KCNQ1: variants seen among roughly 807,000 people sequenced by gnomAD.
KCNQ1 encodes the protein potassium voltage-gated channel subfamily Q member 1.
In KCNQ1, 49 loss-of-function variants were observed where a neutral mutation model predicts 72.4. The ratio of observed to expected loss-of-function variants is 0.68; its 90% CI spans 0.54 to 0.86. KCNQ1 has a LOEUF of 0.86. Ranked by LOEUF, KCNQ1 falls within the 40% of genes least tolerant of loss-of-function variation. KCNQ1 has a pLI of 0.00. For synonymous variants in KCNQ1, 450 were observed against 412.6 expected, an observed-to-expected ratio of 1.09 and a Z score of -1.10; for missense variants, 790 against 945.1, an observed-to-expected ratio of 0.84 and a Z score of 2.15.
chr11:2,810,973 T>C (rs968365843), intron 15 of KCNQ1, among the ~76,000 whole-genome samples: 60 of 152,348 alleles, frequency 3.9e-4, no homozygotes, highest in African/African-American at 1.3e-3. Context: ...GTGGGCCTGA[T>C]GTGTGCCTCC....
At chr11:2,680,548 A>G (rs561512001) in intron 11 of KCNQ1, 13 of 398,566 alleles carry the variant, frequency 3.3e-5, no homozygotes, top group African/African-American at 2.7e-4. Flanking sequence ...CAGTTCTAAG[A>G]AACAACACAG....
In KCNQ1 at chr11:2,483,171, A is replaced by C. The variant is rs1263530825; in HGVS notation, c.386+37687A>C. Among the ~76,000 whole-genome samples the C allele has an allele frequency of 6.6e-6, 1 of 152,194 alleles. No homozygotes were observed. Among genetic ancestry groups the C allele is most frequent in the East Asian group, 1.9e-4 (1 of 5,194 alleles). On this transcript the variant is annotated intron_variant, in intron 1 of 15. Transcript: ENST00000155840. The surrounding 1 kb of genome is among the most constrained non-coding windows in gnomAD (Gnocchi z 6.1). ...CCTGTGTTGGGAACGTGCTTGGTGC[A>C]TGTGAAGAACTGTGCAGGGAAGGTG...
rs1590024599 is a variant in KCNQ1 at position 2,675,312 on chromosome 11, A to C, written c.1514+13231A>C. 3.8e-5 allele frequency: 15 copies of C among 398,638 alleles called. No individual in the cohort carries two copies. In the East Asian group the frequency reaches 5.0e-4, roughly 13 times the overall value. The allele number at this position is 398,638 out of a possible 1,614,324, so 24.7% of individuals were successfully genotyped here. A position where few individuals can be genotyped will look rare whatever the true frequency, so the allele number is the denominator to read the frequency against. On this transcript the variant is annotated intron_variant, in intron 11 of 15. Transcript: ENST00000155840. ...CAGAGTTTTGGCAATATAAAACATG[A>C]AAGTGGGATGGGATCTAAGTCATAT...
chr11:2,825,569 G>A (rs76861852), intron 15 of KCNQ1, among the ~76,000 whole-genome samples: 1 of 152,180 alleles, frequency 6.6e-6, no homozygotes, highest in East Asian at 1.9e-4. Context: ...AGATGTCGTC[G>A]TCTTCAACAA....
rs1346769844 is a variant in KCNQ1, at chr11:2,816,430, CCTT to C, written c.1795-31334_1795-31332del. Among the ~76,000 whole-genome samples the C allele has an allele frequency of 2.0e-5, 3 of 152,158 alleles. No individual in the cohort carries two copies. Among genetic ancestry groups the C allele is most frequent in the African/African-American group, 7.2e-5 (3 of 41,442 alleles). On this transcript the variant is annotated intron_variant, in intron 15 of 15. Transcript: ENST00000155840. The surrounding 1 kb of genome is among the most constrained non-coding windows in gnomAD (Gnocchi z 6.8). Reference sequence around the variant, plus strand: ...CACTCACCCTGTGGTCCAGTGATCTCCTTCTGAGAATCCGCCCTGGAGCAGTAA... The same window carrying C: ...CACTCACCCTGTGGTCCAGTGATCTCCTGAGAATCCGCCCTGGAGCAGTAA...
At chr11:2,829,764 C>T (rs963014738) in intron 15 of KCNQ1, among the ~76,000 whole-genome samples, 127 of 151,998 alleles carry the variant, frequency 8.4e-4, no homozygotes, top group African/African-American at 2.9e-3. Context: ...AAGAGATAGT[C>T]GGTAGGGTTG....
chr11:2,777,570 A>T (rs1846730384), intron 14 of KCNQ1: 1 of 552,626 alleles, frequency 1.8e-6, no homozygotes, highest in African/African-American at 1.9e-5. Context: ...CCTAGCCCAG[A>T]TGCAAACAGC....
At chr11:2,797,832 G>A (rs1283356895) in intron 15 of KCNQ1, among the ~76,000 whole-genome samples, 1 of 151,984 alleles carries the variant, frequency 6.6e-6, no homozygotes, top group Non-Finnish European at 1.5e-5. Context: ...GTCCCATCCT[G>A]TGAAGCCAGC....
At chr11:2,644,287 T>C (rs750136844) in intron 10 of KCNQ1, 3 of 398,474 alleles carry the variant, frequency 7.5e-6, no homozygotes, top group Non-Finnish European at 8.8e-6. Flanking sequence ...ATTTTTTCTA[T>C]ATTTTTGTCT....
intron 6 of KCNQ1, among the ~76,000 whole-genome samples, chr11:2,577,701 C>T (rs1212780875): frequency 1.3e-5 from 2 of 152,212 alleles, no homozygotes; most frequent in Non-Finnish European, 2.9e-5. Context: ...CCCCCACCCC[C>T]ACCTGGTGGC....
rs199472691 is a variant in KCNQ1, at chr11:2,570,629, A to T, written c.479A>T (p.Glu160Val). 6.2e-7 allele frequency: 1 copy of T among 1,612,534 alleles called. No individual in the cohort carries two copies. The highest frequency in any genetic ancestry group is 2.2e-5 in the East Asian group (1 of 44,880). ...ALATGTLFWMEIVLVVFFGTE... is the reference protein window; with the variant it reads ...ALATGTLFWMVIVLVVFFGTE... Reference sequence around the variant, plus strand: ...GAGCGTCCCACTCTGTCCCTGCAGGAGATCGTGCTGGTGGTGTTCTTCGGG... The same window carrying T: ...GAGCGTCCCACTCTGTCCCTGCAGGTGATCGTGCTGGTGGTGTTCTTCGGG... The change falls in exon 3 of 16, where the codon GAG (glutamate) becomes GTG (valine). Residue 160 changes from glutamate (E) to valine (V), a missense_variant and splice_region_variant. Coordinates refer to ENST00000155840, the MANE Select transcript of KCNQ1 (RefSeq NM_000218.3).
In KCNQ1 at chr11:2,803,077, A is replaced by G. The variant is rs1847302293; in HGVS notation, c.1794+25040A>G. Among the ~76,000 whole-genome samples, 1 of 152,198 alleles carries G rather than the reference A, an allele frequency of 6.6e-6. No homozygotes were observed. Among genetic ancestry groups the G allele is most frequent in the Non-Finnish European group, 1.5e-5 (1 of 68,026 alleles). The stretch of plus-strand genomic sequence containing the variant: ...AGGTGGCAGGATGGGAGTGCCCATC[A>G]GCCGGAAGGCCACGGGAGTCAATGG... On this transcript the variant is annotated intron_variant, in intron 15 of 15. Transcript: ENST00000155840. This position sits in a 1 kb window ranked among gnomAD's most constrained non-coding sequence, Gnocchi z 6.4.
At chr11:2,523,093 A>G (rs1325502556) in intron 1 of KCNQ1, among the ~76,000 whole-genome samples, 2 of 152,234 alleles carry the variant, frequency 1.3e-5, no homozygotes, top group Non-Finnish European at 2.9e-5. Context: ...TGGTATTTGC[A>G]GCCAGTCACC....
rs560032639 is a variant in KCNQ1, at chr11:2,705,786, C to T, written c.1514+43705C>T. On this transcript the variant is annotated intron_variant, in intron 11 of 15. Transcript: ENST00000155840. Reference sequence around the variant, plus strand: ...TGTTAACAAAAAGCCCCATCCCTGTCGCTCTGGTGGTTATAGTTTGTTTTA... The same window carrying T: ...TGTTAACAAAAAGCCCCATCCCTGTTGCTCTGGTGGTTATAGTTTGTTTTA... 4.1e-4 allele frequency among the ~76,000 whole-genome samples: 63 copies of T among 152,342 alleles called. No individual in the cohort carries two copies. The South Asian group carries it at 0.013, about 31-fold the overall frequency.
chr11:2,817,840 T>G lies in KCNQ1; in HGVS notation c.1795-29927T>G, dbSNP rs1324113976. On this transcript the variant is annotated intron_variant, in intron 15 of 15. Transcript: ENST00000155840. This position sits in a 1 kb window ranked among gnomAD's most constrained non-coding sequence, Gnocchi z 6.1. ...GAGAGATCCTGAATCCAGAGTCACA[T>G]GTATGTTAGAAACCTCTGGCACTCT... 6.6e-6 allele frequency among the ~76,000 whole-genome samples: 1 copy of G among 152,136 alleles called. No individual in the cohort carries two copies. Among genetic ancestry groups the G allele is most frequent in the Non-Finnish European group, 1.5e-5 (1 of 68,014 alleles).
intron 6 of KCNQ1, 110 bp from the exon 7 acceptor site, chr11:2,583,325 G>A (rs1848532536): frequency 3.8e-6 from 3 of 797,432 alleles, no homozygotes; most frequent in Non-Finnish European, 4.5e-6. Flanking sequence ...TGGTGGTCAG[G>A]GTCTCTTGCC....
rs1850431374 is a variant in KCNQ1, at chr11:2,683,423, G to C, written c.1514+21342G>C. On this transcript the variant is annotated intron_variant, in intron 11 of 15. Coordinates refer to ENST00000155840, the MANE Select transcript of KCNQ1 (RefSeq NM_000218.3). The surrounding 1 kb of genome is among the most constrained non-coding windows in gnomAD (Gnocchi z 4.7). ...TGTCCAATGGCTAAGCTTTCCCCAG[G>C]AATGGGTAACTGGAAAAATGTAGGA... The C allele has an allele frequency of 2.5e-6, 1 of 398,626 alleles. No homozygotes were observed. 24.7% of individuals were successfully genotyped at this position (398,626 alleles called of 1,614,324 possible).
intron 11 of KCNQ1, chr11:2,693,890 G>C (rs557606457): frequency 1.3e-5 from 5 of 398,762 alleles, no homozygotes; most frequent in East Asian, 7.1e-5. Context: ...AACCCTACTC[G>C]TCCTCCTCCT....
chr11:2,733,008 GGGGGTCTGGGACACA>G (rs1281661939), intron 11 of KCNQ1, among the ~76,000 whole-genome samples: 1 of 152,168 alleles, frequency 6.6e-6, no homozygotes, highest in East Asian at 1.9e-4. Flanking sequence ...CCTGGGAAGA[GGGGGTCTGGGACACA>G]GCCACACCTG....
Sources: gnomAD v4.1 joint callset for allele counts (sites outside exome capture counted in the v4.1 genomes callset) on GRCh38, gnomAD v4.1.1 for gene constraint, Gnocchi (gnomAD v3.1) non-coding constraint, MANE v1.5 for transcripts, NCBI Gene and HGNC (gene_info 2026-07-23, HGNC 2026-07-21) for gene names.